The following SORCS2 variants were observed in gnomAD, a reference collection of about 807,000 sequenced individuals.
The protein encoded by SORCS2 is sortilin related VPS10 domain containing receptor 2.
In SORCS2, 100 loss-of-function variants were observed where a neutral mutation model predicts 141.6. The observed-to-expected ratio is 0.71, with a 90% CI of 0.60 to 0.83. The LOEUF (loss-of-function observed/expected upper bound fraction) is 0.83, where lower values mean the gene tolerates loss of function less well. Among genes scored for constraint, SORCS2 ranks in the 40% least tolerant of loss-of-function variants. SORCS2 has a pLI of 0.00. For missense variants in SORCS2, 1,646 were observed against 1,560.2 expected, an observed-to-expected ratio of 1.05 and a Z score of -0.93; for synonymous variants, 789 against 676.9, an observed-to-expected ratio of 1.17 and a Z score of -2.57.
rs112593249 is a variant in SORCS2 at position 7,329,127 on chromosome 4, C to T, written c.481-67161C>T. Among the ~76,000 whole-genome samples the T allele has an allele frequency of 6.1e-3, 936 of 152,334 alleles. 11 individuals are homozygous for T. Among genetic ancestry groups the T allele is most frequent in the African/African-American group, 0.021 (860 of 41,586 alleles). On this transcript the variant is annotated intron_variant, in intron 1 of 26. Transcript: ENST00000507866. ...CTGGGAAAGAATCCACAGGCATTCT[C>T]CAAGTCCGGTGACTCAGAGCTCCCA... is the stretch of plus-strand genomic sequence containing the variant.
At chr4:7,252,209 GC>G (rs755979704) in intron 1 of SORCS2, among the ~76,000 whole-genome samples, 1 of 152,198 alleles carries the variant, frequency 6.6e-6, no homozygotes, top group Non-Finnish European at 1.5e-5. Context: ...CGCCAAGGAG[GC>G]CCGAGGCAGG....
chr4:7,661,221 C>T (rs1722138894), intron 5 of SORCS2, among the ~76,000 whole-genome samples: 1 of 129,368 alleles, frequency 7.7e-6, no homozygotes, highest in African/African-American at 2.8e-5. Context: ...ACCCAACCCC[C>T]TCAGCTCACG....
chr4:7,504,302 T>C (rs1413178693), intron 2 of SORCS2, among the ~76,000 whole-genome samples: 2 of 152,116 alleles, frequency 1.3e-5, no homozygotes, highest in East Asian at 3.9e-4. Flanking sequence ...ACCAGGAGTG[T>C]GGAATTCAGA....
At chr4:7,435,957 A>G (rs911415246) in intron 2 of SORCS2, among the ~76,000 whole-genome samples, 4 of 152,200 alleles carry the variant, frequency 2.6e-5, no homozygotes, top group Admixed American at 6.5e-5. Flanking sequence ...CTCTGTAGGA[A>G]CACACTTCCC....
intron 2 of SORCS2, among the ~76,000 whole-genome samples, chr4:7,509,555 G>A (rs1330563843): frequency 3.9e-5 from 6 of 152,202 alleles, no homozygotes; most frequent in East Asian, 1.9e-4. Context: ...CTCTGCGGTC[G>A]ACGCTGGGGC....
In SORCS2 at chr4:7,693,066, G is replaced by T. The variant is rs1229014180; in HGVS notation, c.1591+3478G>T. On this transcript the variant is annotated intron_variant, in intron 11 of 26. Coordinates refer to ENST00000507866, the MANE Select transcript of SORCS2 (RefSeq NM_020777.3). ...GAAATCAACCCAGCCCTGGCCGAGG[G>T]TGCCGGTGGCGGGTTCTTCCCGACT... Among the ~76,000 whole-genome samples the T allele has an allele frequency of 2.0e-5, 3 of 152,146 alleles. 1 individual carries two copies. In the South Asian group the frequency reaches 6.2e-4, roughly 32 times the overall value.
At chr4:7,666,253 C>T (rs916421868) in intron 7 of SORCS2, among the ~76,000 whole-genome samples, 1 of 152,042 alleles carries the variant, frequency 6.6e-6, no homozygotes, top group Admixed American at 6.5e-5. Context: ...TGTTCAGACC[C>T]GATCGCAGGG....
chr4:7,646,926 G>C (rs1721120616), intron 4 of SORCS2, among the ~76,000 whole-genome samples: 1 of 152,198 alleles, frequency 6.6e-6, no homozygotes, highest in Admixed American at 6.5e-5. Flanking sequence ...GGTGCATCCT[G>C]TTGGTGGAGT....
intron 3 of SORCS2, among the ~76,000 whole-genome samples, chr4:7,629,579 C>T (rs1382753588): frequency 6.6e-6 from 1 of 151,970 alleles, no homozygotes; most frequent in African/African-American, 2.4e-5. Context: ...CGCTCCCCAC[C>T]CGCTGATCTC....
chr4:7,420,002 C>T (rs1473013621), intron 2 of SORCS2, among the ~76,000 whole-genome samples: 1 of 152,212 alleles, frequency 6.6e-6, no homozygotes, highest in African/African-American at 2.4e-5. Flanking sequence ...TCTGCACACT[C>T]CTCTCCCGCT....
At chr4:7,673,760 T>C (rs1722930840) in intron 8 of SORCS2, among the ~76,000 whole-genome samples, 1 of 152,192 alleles carries the variant, frequency 6.6e-6, no homozygotes, top group Admixed American at 6.5e-5. Flanking sequence ...AGGCACCATG[T>C]GACTTGCTGC....
At chr4:7,227,564 C>T (rs1033686481) in intron 1 of SORCS2, among the ~76,000 whole-genome samples, 8 of 152,094 alleles carry the variant, frequency 5.3e-5, no homozygotes, top group South Asian at 4.2e-4. Flanking sequence ...GCAGGGGGCA[C>T]GTTGCATCCC....
At chr4:7,440,043 G>T (rs1205702084) in intron 2 of SORCS2, among the ~76,000 whole-genome samples, 2 of 152,168 alleles carry the variant, frequency 1.3e-5, no homozygotes, top group Admixed American at 6.5e-5. Context: ...TGCAGAGAAT[G>T]GTATCACAGA....
chr4:7,374,504 T>C (rs1722506610), intron 1 of SORCS2, among the ~76,000 whole-genome samples: 1 of 152,118 alleles, frequency 6.6e-6, no homozygotes. Flanking sequence ...TCCCCAGACA[T>C]TGTCTGCGTG....
At chr4:7,221,458 G>A (rs900785618) in intron 1 of SORCS2, among the ~76,000 whole-genome samples, 8 of 152,236 alleles carry the variant, frequency 5.3e-5, no homozygotes, top group Admixed American at 6.5e-5. Flanking sequence ...CTGTGTGGCT[G>A]GCGCTCTTCT....
intron 1 of SORCS2, among the ~76,000 whole-genome samples, chr4:7,303,371 G>A (rs4689691): frequency 0.23 from 34,845 of 152,042 alleles, 4,697 homozygotes; most frequent in Admixed American, 0.36. Flanking sequence ...TTTTTTATGC[G>A]TTTCCAGTCC....
chr4:7,599,823 CTTT>C (rs1370483227), intron 3 of SORCS2, among the ~76,000 whole-genome samples: 4 of 139,130 alleles, frequency 2.9e-5, no homozygotes, highest in Non-Finnish European at 3.1e-5. Context: ...TTTCTTTTTT[CTTT>C]TTTTTTTTTT....
intron 1 of SORCS2, among the ~76,000 whole-genome samples, chr4:7,267,266 C>T (rs922995790): frequency 2.6e-5 from 4 of 152,280 alleles, no homozygotes; most frequent in South Asian, 2.1e-4. Flanking sequence ...TTTACCTAAG[C>T]GTTAAATTCG....
Position 7,233,467 on chromosome 4 carries a change from C to T in SORCS2, c.480+40341C>T, listed in dbSNP as rs886199249. 2.6e-5 allele frequency among the ~76,000 whole-genome samples: 4 copies of T among 152,182 alleles called. No individual in the cohort carries two copies. Among genetic ancestry groups the T allele is most frequent in the African/African-American group, 9.7e-5 (4 of 41,450 alleles). Reference sequence around the variant, plus strand: ...CCATCCAGGGGCCCGGACACTGGGCCACAGTGCAGTACAGACCCTCGCTGG... The same window carrying T: ...CCATCCAGGGGCCCGGACACTGGGCTACAGTGCAGTACAGACCCTCGCTGG... On this transcript the variant is annotated intron_variant, in intron 1 of 26. Coordinates refer to ENST00000507866, the MANE Select transcript of SORCS2 (RefSeq NM_020777.3). The surrounding 1 kb of genome is among the most constrained non-coding windows in gnomAD (Gnocchi z 4.5).
Sources: gnomAD v4.1 joint callset for allele counts (sites outside exome capture counted in the v4.1 genomes callset) on GRCh38, gnomAD v4.1.1 for gene constraint, Gnocchi (gnomAD v3.1) non-coding constraint, MANE v1.5 for transcripts, NCBI Gene and HGNC (gene_info 2026-07-23, HGNC 2026-07-21) for gene names.